DPP6: variants seen among roughly 807,000 people sequenced by gnomAD.
DPP6 encodes A-type potassium channel modulatory protein DPP6.
A neutral mutation model predicts 122.6 loss-of-function variants in DPP6; 69 were observed. The ratio of observed to expected loss-of-function variants is 0.56; its 90% CI spans 0.46 to 0.69. DPP6 has a LOEUF of 0.69. Among genes scored for constraint, DPP6 ranks in the 30% least tolerant of loss-of-function variants. DPP6 has a pLI of 0.00. For synonymous variants in DPP6, 418 were observed against 433.1 expected (o/e 0.97, Z 0.43); for missense variants, 928 against 1,116.9 (o/e 0.83, Z 2.41).
chr7:153,969,222 G>T (rs78252642), intron 1 of DPP6, among the ~76,000 whole-genome samples: 9,426 of 150,528 alleles, frequency 0.063, 494 homozygotes, highest in East Asian at 0.22. Flanking sequence ...TCTCTCCCAG[G>T]TGGTGAGTAT....
At chr7:153,753,767 G>A in the DPP6 span, among the ~76,000 whole-genome samples, 1 of 152,108 alleles carries the variant, frequency 6.6e-6, no homozygotes, top group Middle Eastern at 3.2e-3. Context: ...ATCCCTTCAG[G>A]ATCAAGGACT....
chr7:153,867,199 A>G, the DPP6 span, among the ~76,000 whole-genome samples: 4 of 152,198 alleles, frequency 2.6e-5, no homozygotes, highest in African/African-American at 9.7e-5. Context: ...AGTAATTGGT[A>G]GCTTGAGGGG....
At chr7:154,886,965 C>T (rs1806200876) in intron 22 of DPP6, among the ~76,000 whole-genome samples, 1 of 152,244 alleles carries the variant, frequency 6.6e-6, no homozygotes, top group African/African-American at 2.4e-5. Context: ...AATGCGGGTG[C>T]CACCTTCAAA....
At chr7:154,236,507 C>A (rs778486389) in intron 1 of DPP6, among the ~76,000 whole-genome samples, 12 of 152,270 alleles carry the variant, frequency 7.9e-5, no homozygotes, top group Non-Finnish European at 1.2e-4. Context: ...AGGATAATTT[C>A]TTAGCCCCTG....
chr7:154,489,793 C>T (rs2151385133), intron 3 of DPP6, among the ~76,000 whole-genome samples: 1 of 152,272 alleles, frequency 6.6e-6, no homozygotes, highest in Non-Finnish European at 1.5e-5. Flanking sequence ...ATTAATCTAG[C>T]TGTGCTGGTC....
chr7:154,722,499 A>G lies in DPP6; in HGVS notation c.763-5268A>G, dbSNP rs544987059. 2.6e-5 allele frequency among the ~76,000 whole-genome samples: 4 copies of G among 152,366 alleles called. No homozygotes were observed. The South Asian group carries it at 8.3e-4, about 32-fold the overall frequency. Reference sequence around the variant, plus strand: ...TCTGGAGGGATTTGGGTCGCAGACTAGAGATTTAAACTTTATTCTGAAGTA... The same window carrying G: ...TCTGGAGGGATTTGGGTCGCAGACTGGAGATTTAAACTTTATTCTGAAGTA... On this transcript the variant is annotated intron_variant, in intron 7 of 25. Transcript: ENST00000377770.
intron 25 of DPP6, chr7:154,890,528 T>TGAC (rs1394733782): frequency 6.6e-6 from 1 of 152,248 alleles, no homozygotes; most frequent in Non-Finnish European, 1.5e-5. Flanking sequence ...TTAAGCACAC[T>TGAC]GACCATGGAC....
rs910163190 is a variant in DPP6, at chr7:154,036,017, CGCTT to C, written c.51+148285_51+148288del. ...ATGAATGGCCAGGATTACGCGCGCGCGCTTGTGTGTGTGTGTGTGTGTGTGTGTG... is the reference window on the plus strand; with the variant it reads ...ATGAATGGCCAGGATTACGCGCGCGCGTGTGTGTGTGTGTGTGTGTGTGTG... On this transcript the variant is annotated intron_variant, in intron 1 of 25. Transcript: ENST00000404039. Among the ~76,000 whole-genome samples the C allele has an allele frequency of 1.9e-4, 20 of 104,542 alleles. 2 individuals are homozygous for C. The highest frequency in any genetic ancestry group is 7.6e-4 in the African/African-American group (17 of 22,262). The allele number at this position is 104,542 out of a possible 152,430, so 68.6% of individuals were successfully genotyped here.
intron 1 of DPP6, among the ~76,000 whole-genome samples, chr7:154,218,299 G>A (rs528192853): frequency 6.6e-6 from 1 of 152,252 alleles, no homozygotes; most frequent in Admixed American, 6.5e-5. Context: ...AACAAGTCCT[G>A]TCACCCTGAA....
At chr7:153,896,507 C>A (rs1289050247) in intron 1 of DPP6, among the ~76,000 whole-genome samples, 1 of 152,002 alleles carries the variant, frequency 6.6e-6, no homozygotes, top group Non-Finnish European at 1.5e-5. Context: ...AACACATGAA[C>A]AATTTATCTT....
At chr7:154,778,975 CCAT>C in intron 10 of DPP6, among the ~76,000 whole-genome samples, 1 of 149,084 alleles carries the variant, frequency 6.7e-6, no homozygotes. Context: ...TCCGCTACCA[CCAT>C]CACCTCCATC....
intron 1 of DPP6, among the ~76,000 whole-genome samples, chr7:154,366,222 G>A (rs1429139811): frequency 6.6e-6 from 1 of 152,200 alleles, no homozygotes; most frequent in African/African-American, 2.4e-5. Context: ...CTGACCACAA[G>A]TTACAAAGAT....
intron 5 of DPP6, among the ~76,000 whole-genome samples, chr7:154,599,584 A>G (rs1481495545): frequency 6.6e-6 from 1 of 151,742 alleles, no homozygotes; most frequent in African/African-American, 2.4e-5. Context: ...ATATGTATAC[A>G]TGTTACATAT....
At position 154,679,514 on chromosome 7, in the gene DPP6, C is replaced by G. The variant is rs554112526; in HGVS notation, c.762+10073C>G. 2.1e-3 allele frequency among the ~76,000 whole-genome samples: 319 copies of G among 152,290 alleles called. 2 individuals carry two copies. Among genetic ancestry groups the G allele is most frequent in the Middle Eastern group, 0.014 (4 of 294 alleles). On this transcript the variant is annotated intron_variant, in intron 7 of 25. Transcript: ENST00000377770. ...GAAATGGGCCCGTCGCCTCCTCCTA[C>G]AAGTTACAGCCTGGCTCAGGGTTAG...
chr7:153,793,815 G>T, the DPP6 span, among the ~76,000 whole-genome samples: 1 of 152,090 alleles, frequency 6.6e-6, no homozygotes, highest in Non-Finnish European at 1.5e-5. Flanking sequence ...CTAGGGACTT[G>T]GTGCCCTGTG....
intron 1 of DPP6, among the ~76,000 whole-genome samples, chr7:154,415,050 G>A (rs1816909506): frequency 6.6e-6 from 1 of 152,128 alleles, no homozygotes; most frequent in Non-Finnish European, 1.5e-5. Flanking sequence ...TACCAACAAA[G>A]CTCACCCTGG....
intron 1 of DPP6, among the ~76,000 whole-genome samples, chr7:154,106,404 G>T (rs1181118980): frequency 8.4e-6 from 1 of 118,878 alleles, no homozygotes; most frequent in African/African-American, 3.3e-5. Flanking sequence ...GAGTGTGGTG[G>T]GGTGAGCAGA....
intron 1 of DPP6, among the ~76,000 whole-genome samples, chr7:154,160,719 A>G (rs568475754): frequency 6.6e-6 from 1 of 152,314 alleles, no homozygotes; most frequent in South Asian, 2.1e-4. Flanking sequence ...TAATATGTAC[A>G]TTCGGCTCAC....
chr7:154,666,192 T>TACACACACAC (rs1453659760), intron 6 of DPP6, among the ~76,000 whole-genome samples: 3 of 66,150 alleles, frequency 4.5e-5, no homozygotes, highest in Middle Eastern at 9.1e-3. Flanking sequence ...TGTATATATA[T>TACACACACAC]ATATATATAC....
Sources: gnomAD v4.1 joint callset for allele counts (sites outside exome capture counted in the v4.1 genomes callset) on GRCh38, gnomAD v4.1.1 for gene constraint, MANE v1.5 for transcripts, NCBI Gene and HGNC (gene_info 2026-07-23, HGNC 2026-07-21) for gene names.